The following NALCN variants were observed in gnomAD, a reference collection of about 807,000 sequenced individuals.
The protein encoded by NALCN is sodium leak channel, non-selective.
In NALCN, 111 loss-of-function variants were observed where a neutral mutation model predicts 225.3. The ratio of observed to expected loss-of-function variants is 0.49; its 90% confidence interval spans 0.42 to 0.58. NALCN has a LOEUF of 0.58. Among genes scored for constraint, NALCN ranks in the 20% least tolerant of loss-of-function variants. NALCN has a pLI of 0.00. For missense variants in NALCN, 1,378 were observed against 2,202.4 expected, an observed-to-expected ratio of 0.63 and a Z score of 7.49; for synonymous variants, 764 against 769.0, an observed-to-expected ratio of 0.99 and a Z score of 0.11.
At chr13:101,095,702 A>T (rs370657811) in intron 27 of NALCN, 22 bp from the exon 28 acceptor site, 13 of 1,574,372 alleles carry the variant, frequency 8.3e-6, no homozygotes, top group Non-Finnish European at 1.0e-5. Flanking sequence ...AAACAAGAGG[A>T]GAGGGGAAAC....
chr13:101,261,746 T>A (rs2042434503), intron 10 of NALCN, among the ~76,000 whole-genome samples: 1 of 152,218 alleles, frequency 6.6e-6, no homozygotes, highest in African/African-American at 2.4e-5. Flanking sequence ...AGTTTCCTTG[T>A]GGAGTCTTTA....
chr13:101,273,077 G>A (rs558821703), intron 10 of NALCN, among the ~76,000 whole-genome samples: 53 of 152,184 alleles, frequency 3.5e-4, no homozygotes, highest in Non-Finnish European at 6.6e-4. Flanking sequence ...ATTGTACCAC[G>A]TCTCATGCAT....
At chr13:101,249,814 G>A (rs969909743) in intron 11 of NALCN, among the ~76,000 whole-genome samples, 5 of 151,956 alleles carry the variant, frequency 3.3e-5, no homozygotes, top group Admixed American at 2.0e-4. Flanking sequence ...ATAAGCATTC[G>A]TATCAAAATA....
At chr13:101,151,759 G>T (rs2037662492) in intron 15 of NALCN, among the ~76,000 whole-genome samples, 1 of 152,170 alleles carries the variant, frequency 6.6e-6, no homozygotes, top group Non-Finnish European at 1.5e-5. Context: ...ATTTGTATAT[G>T]TGATTTTACA....
At chr13:101,177,629 C>T (rs1144784) in intron 14 of NALCN, among the ~76,000 whole-genome samples, 99,846 of 151,598 alleles carry the variant, frequency 0.66, 33,799 homozygotes, top group African/African-American at 0.82. Flanking sequence ...AACAAAATAG[C>T]ATAATTTTTA....
At chr13:101,389,899 T>C (rs113139102) in intron 3 of NALCN, among the ~76,000 whole-genome samples, 1 of 152,144 alleles carries the variant, frequency 6.6e-6, no homozygotes, top group Non-Finnish European at 1.5e-5. Context: ...CTGGCCAACG[T>C]GGTGAAACCC....
intron 14 of NALCN, among the ~76,000 whole-genome samples, chr13:101,182,428 A>C (rs1450513033): frequency 6.6e-6 from 1 of 152,210 alleles, no homozygotes; most frequent in Non-Finnish European, 1.5e-5. Flanking sequence ...ACTCTTGGGG[A>C]GGCAACAAAT....
chr13:101,249,456 C>G (rs556202985), intron 11 of NALCN, among the ~76,000 whole-genome samples: 1 of 152,236 alleles, frequency 6.6e-6, no homozygotes, highest in Admixed American at 6.5e-5. Flanking sequence ...CTAACAAAAT[C>G]AGACTAGCAA....
intron 12 of NALCN, among the ~76,000 whole-genome samples, chr13:101,232,053 T>G (rs2041369398): frequency 6.6e-6 from 1 of 151,582 alleles, no homozygotes; most frequent in South Asian, 2.1e-4. Flanking sequence ...ACACAAACTC[T>G]TACAGAGCTC....
chr13:101,058,427 CA>C, intron 42 of NALCN: 48 of 149,996 alleles, frequency 3.2e-4, no homozygotes, highest in South Asian at 1.6e-3. Flanking sequence ...TGGGCGGGGG[CA>C]GTCTACTGTC....
intron 7 of NALCN, among the ~76,000 whole-genome samples, chr13:101,332,727 T>C (rs1331466542): frequency 1.3e-5 from 2 of 152,138 alleles, no homozygotes; most frequent in Admixed American, 6.5e-5. Context: ...CCAGAACTAA[T>C]AAAAACATTT....
At chr13:101,318,502 G>T (rs1055595444) in intron 7 of NALCN, among the ~76,000 whole-genome samples, 5 of 152,146 alleles carry the variant, frequency 3.3e-5, no homozygotes, top group African/African-American at 1.2e-4. Flanking sequence ...CTGAATAGGG[G>T]GAAATCTTAA....
intron 7 of NALCN, among the ~76,000 whole-genome samples, chr13:101,308,001 G>A (rs903710986): frequency 3.3e-5 from 5 of 152,102 alleles, no homozygotes; most frequent in Admixed American, 6.5e-5. Flanking sequence ...TATTCCATAC[G>A]ATTACTGAAA....
At chr13:101,081,813 T>C (rs1052194400) in intron 33 of NALCN, among the ~76,000 whole-genome samples, 167 bp from the exon 34 acceptor site, 7 of 152,226 alleles carry the variant, frequency 4.6e-5, no homozygotes, top group African/African-American at 1.4e-4. Flanking sequence ...ACAAACACTT[T>C]AATGCCCTTT....
chr13:101,120,813 C>T (rs2035940223), intron 18 of NALCN, among the ~76,000 whole-genome samples: 1 of 152,160 alleles, frequency 6.6e-6, no homozygotes. Flanking sequence ...CTTTCTCTTT[C>T]TGGTCCTCAA....
chr13:101,320,376 T>C (rs2044703299), intron 7 of NALCN, among the ~76,000 whole-genome samples: 1 of 152,208 alleles, frequency 6.6e-6, no homozygotes, highest in Non-Finnish European at 1.5e-5. Context: ...TTGTTTTTGC[T>C]TCCCCTATAT....
rs934751779 is a variant in NALCN at position 101,154,506 on chromosome 13, C to G, written c.1840-9610G>C. On this transcript the variant is annotated intron_variant, in intron 15 of 43. Coordinates refer to ENST00000251127, the MANE Select transcript of NALCN (RefSeq NM_052867.4). ...GGCACATCTTCCTCTGTGCACCTTG[C>G]ATTTAGTCACATCTCCCTCTGTTGC... Among the ~76,000 whole-genome samples, 3 of 152,174 alleles carry G rather than the reference C, an allele frequency of 2.0e-5. No homozygotes were observed. The South Asian group carries it at 6.2e-4, about 31-fold the overall frequency.
chr13:101,337,489 G>T (rs1378839288), intron 7 of NALCN, among the ~76,000 whole-genome samples: 2 of 151,570 alleles, frequency 1.3e-5, no homozygotes, highest in African/African-American at 4.8e-5. Context: ...TTGTATTTCT[G>T]TAGAGACAGG....
At chr13:101,186,801 G>C (rs537562469) in intron 14 of NALCN, among the ~76,000 whole-genome samples, 3 of 152,156 alleles carry the variant, frequency 2.0e-5, no homozygotes, top group Non-Finnish European at 2.9e-5. Context: ...ATTTCATCTA[G>C]CTTATGCTAT....
Sources: gnomAD v4.1 joint callset for allele counts (sites outside exome capture counted in the v4.1 genomes callset) on GRCh38, gnomAD v4.1.1 for gene constraint, MANE v1.5 for transcripts, NCBI Gene and HGNC (gene_info 2026-07-23, HGNC 2026-07-21) for gene names.